THSD7A: variants seen among roughly 807,000 people sequenced by gnomAD.
THSD7A encodes thrombospondin type-1 domain-containing protein 7A.
Under a neutral mutation model 231.3 loss-of-function variants are expected in THSD7A, and 96 were observed. The ratio of observed to expected loss-of-function variants is 0.41; its 90% CI spans 0.35 to 0.49. The LOEUF is 0.49. Ranked by LOEUF, THSD7A falls within the 20% of genes least tolerant of loss-of-function variation. The probability of loss-of-function intolerance (pLI) is 0.05; values close to 1 mark genes in which losing one functional copy is unlikely to be tolerated. For missense variants in THSD7A, 2,290 were observed against 2,070.2 expected (o/e 1.11, Z -2.06); for synonymous variants, 940 against 743.3 (o/e 1.26, Z -4.30).
intron 13 of THSD7A, among the ~76,000 whole-genome samples, chr7:11,441,766 G>C (rs1784809864): frequency 6.6e-6 from 1 of 151,980 alleles, no homozygotes; most frequent in South Asian, 2.1e-4. Flanking sequence ...ACTCATAAGT[G>C]GGAGTTGAAC....
At chr7:11,388,304 A>G (rs1782843524) in intron 23 of THSD7A, among the ~76,000 whole-genome samples, 1 of 151,928 alleles carries the variant, frequency 6.6e-6, no homozygotes, top group Admixed American at 6.6e-5. Context: ...GTAGAATTTG[A>G]CTGTGAATCC....
intron 4 of THSD7A, among the ~76,000 whole-genome samples, chr7:11,573,064 T>C (rs1790717059): frequency 6.6e-6 from 1 of 152,172 alleles, no homozygotes; most frequent in African/African-American, 2.4e-5. Flanking sequence ...TAGCTCTTTT[T>C]AAGTTTGAAC....
intron 1 of THSD7A, among the ~76,000 whole-genome samples, chr7:11,744,969 G>T (rs1583249742): frequency 2.0e-5 from 3 of 151,864 alleles, no homozygotes; most frequent in South Asian, 2.1e-4. Flanking sequence ...GTAATGGGAT[G>T]GCTGGGTCAA....
Position 11,481,800 on chromosome 7 carries a change from C to G in THSD7A, c.2005G>C (p.Ala669Pro), listed in dbSNP as rs758136982. 5.0e-6 allele frequency: 8 copies of G among 1,605,484 alleles called. No individual in the cohort carries two copies. In the East Asian group the frequency reaches 1.6e-4, roughly 32 times the overall value. ...QIRARSILAY[A>P]GEEGGIRCPN... ...GCTGGCGACTCACCTTCTTCACCCG[C>G]ATAGGCCAGAATGGATCGTGCTCGT... is the stretch of plus-strand genomic sequence containing the variant. Residue 669 changes from alanine (A) to proline (P), a missense_variant, in exon 7 of 28, where the codon GCG becomes CCG. By Grantham distance (27) the Ala-to-Pro change is conservative. Transcript: ENST00000423059.
chr7:11,550,190 A>G (rs912449845), intron 4 of THSD7A, among the ~76,000 whole-genome samples: 8 of 152,154 alleles, frequency 5.3e-5, no homozygotes, highest in African/African-American at 1.9e-4. Flanking sequence ...CCATACACCA[A>G]TAACATCCAA....
At chr7:11,736,580 T>A (rs1781923098) in intron 1 of THSD7A, among the ~76,000 whole-genome samples, 1 of 152,008 alleles carries the variant, frequency 6.6e-6, no homozygotes, top group African/African-American at 2.4e-5. Flanking sequence ...TGTAAGGCTA[T>A]AATAAGAAAG....
intron 1 of THSD7A, among the ~76,000 whole-genome samples, chr7:11,753,280 C>A (rs1782563860): frequency 1.3e-5 from 2 of 152,022 alleles, no homozygotes; most frequent in South Asian, 4.1e-4. Context: ...CATTTCTAAA[C>A]TTGTAGATAT....
chr7:11,564,044 G>T (rs1298701191), intron 4 of THSD7A, among the ~76,000 whole-genome samples: 1 of 152,076 alleles, frequency 6.6e-6, no homozygotes, highest in Non-Finnish European at 1.5e-5. Context: ...TGACTTTTCT[G>T]TTTATTCTTT....
At chr7:11,568,478 G>C (rs1339578545) in intron 4 of THSD7A, among the ~76,000 whole-genome samples, 5 of 151,688 alleles carry the variant, frequency 3.3e-5, no homozygotes, top group African/African-American at 1.2e-4. Context: ...ACAAAAAATT[G>C]GCCAGGTGTG....
At chr7:11,499,702 G>A (rs568115490) in intron 6 of THSD7A, among the ~76,000 whole-genome samples, 2 of 152,260 alleles carry the variant, frequency 1.3e-5, no homozygotes, top group African/African-American at 4.8e-5. Context: ...AATAAAACAA[G>A]CTGAGAAAAG....
intron 1 of THSD7A, among the ~76,000 whole-genome samples, chr7:11,666,744 T>G (rs528081182): frequency 3.4e-4 from 52 of 151,304 alleles, no homozygotes; most frequent in African/African-American, 1.2e-3. Flanking sequence ...TATTTATACA[T>G]GTTATAAAAC....
At chr7:11,614,384 T>C (rs369654908) in intron 2 of THSD7A, among the ~76,000 whole-genome samples, 4 of 152,138 alleles carry the variant, frequency 2.6e-5, no homozygotes, top group Admixed American at 2.6e-4. Context: ...AAAGGGGAGA[T>C]TTACTTATTT....
intron 2 of THSD7A, among the ~76,000 whole-genome samples, chr7:11,628,291 G>A (rs928750563): frequency 6.6e-6 from 1 of 152,134 alleles, no homozygotes; most frequent in Non-Finnish European, 1.5e-5. Context: ...TTCTAGGCTA[G>A]TTCCTCTTCC....
At chr7:11,547,124 A>C (rs1367406137) in intron 4 of THSD7A, among the ~76,000 whole-genome samples, 3 of 152,328 alleles carry the variant, frequency 2.0e-5, no homozygotes, top group East Asian at 3.9e-4. Context: ...CATTACCACC[A>C]GACCTGCCTT....
chr7:11,734,398 A>T (rs976092180), intron 1 of THSD7A, among the ~76,000 whole-genome samples: 8 of 151,940 alleles, frequency 5.3e-5, no homozygotes. Context: ...CTCAATTCAA[A>T]CTATTTAATT....
chr7:11,510,675 A>G (rs76842189), intron 6 of THSD7A, among the ~76,000 whole-genome samples: 5,267 of 152,292 alleles, frequency 0.035, 313 homozygotes, highest in African/African-American at 0.12. Context: ...GACAAAAACC[A>G]CATGATTATC....
rs989636670 is a variant in THSD7A at position 11,379,718 on chromosome 7, G to A, written c.4508-6C>T. On this transcript the variant is annotated splice_polypyrimidine_tract_variant and splice_region_variant and intron_variant, in intron 24 of 27. Transcript: ENST00000423059. ...GCTCATCACCAAGCAGCCCCCTGCG[G>A]AACAGAAAATCATGTTTTGACAAAT... 8.9e-6 allele frequency: 14 copies of A among 1,578,678 alleles called. No homozygotes were observed. Among genetic ancestry groups the A allele is most frequent in the Non-Finnish European group, 1.0e-5 (12 of 1,161,324 alleles).
intron 1 of THSD7A, among the ~76,000 whole-genome samples, chr7:11,713,148 G>A (rs1385758219): frequency 6.6e-6 from 1 of 151,178 alleles, no homozygotes; most frequent in Non-Finnish European, 1.5e-5. Flanking sequence ...GCACAGTTCT[G>A]CATAGCACAT....
Position 11,440,722 on chromosome 7 carries a change from G to A in THSD7A, c.3064+5339C>T, listed in dbSNP as rs191494608. Among the ~76,000 whole-genome samples the A allele has an allele frequency of 3.0e-3, 449 of 152,164 alleles. 3 individuals carry two copies. The highest frequency in any genetic ancestry group is 0.011 in the African/African-American group (438 of 41,548). Reference sequence around the variant, plus strand: ...ATCTCATGATAACACTTGAAGAGATGAGGAATTGCTTCTCATGGGTGAGCA... The same window carrying A: ...ATCTCATGATAACACTTGAAGAGATAAGGAATTGCTTCTCATGGGTGAGCA... On this transcript the variant is annotated intron_variant, in intron 13 of 27. Coordinates refer to ENST00000423059, the MANE Select transcript of THSD7A (RefSeq NM_015204.3).
Sources: gnomAD v4.1 joint callset for allele counts (sites outside exome capture counted in the v4.1 genomes callset) on GRCh38, gnomAD v4.1.1 for gene constraint, MANE v1.5 for transcripts, NCBI Gene and HGNC (gene_info 2026-07-23, HGNC 2026-07-21) for gene names.